The following TATDN1 variants were observed in gnomAD, a reference collection of about 807,000 sequenced individuals.
The protein encoded by TATDN1 is deoxyribonuclease TATDN1.
In TATDN1, 40 loss-of-function variants were observed where a neutral mutation model predicts 46.4. The observed-to-expected ratio is 0.86, with a 90% CI of 0.67 to 1.12. TATDN1 has a LOEUF of 1.12. TATDN1 is among the 50% of genes most tolerant of loss of function. The pLI, the probability that TATDN1 is intolerant of heterozygous loss-of-function variation, is 0.00. For synonymous variants in TATDN1, 95 were observed against 105.6 expected (o/e 0.90, Z 0.62); for missense variants, 326 against 348.4 (o/e 0.94, Z 0.51).
chr8:124,524,689 AG>A (rs1227926126), intron 1 of TATDN1, among the ~76,000 whole-genome samples: 1 of 152,232 alleles, frequency 6.6e-6, no homozygotes, highest in Admixed American at 6.5e-5. Flanking sequence ...TACTGACAGA[AG>A]GGAAGGTTTT....
At chr8:124,493,313 T>C (rs1485439901) in intron 11 of TATDN1, among the ~76,000 whole-genome samples, 1 of 152,242 alleles carries the variant, frequency 6.6e-6, no homozygotes, top group Non-Finnish European at 1.5e-5. Context: ...ATGTACCCAT[T>C]AAAATGATAT....
rs780000142 is a variant in TATDN1, at chr8:124,508,561, C to T, written c.475+42G>A. The T allele has an allele frequency of 8.7e-6, 14 of 1,608,106 alleles. 1 individual carries two copies. In the African/African-American group the frequency reaches 9.4e-5, roughly 11 times the overall value. The stretch of plus-strand genomic sequence containing the variant: ...CTTTTAGCAAATAGCTTGATTTCTA[C>T]AAAATTCTTAAGTTCTGAATGAGAC... On this transcript the variant is annotated intron_variant, in intron 7 of 11. Transcript: ENST00000276692.
At chr8:124,523,196 A>G in intron 1 of TATDN1, 194 bp from the exon 2 acceptor site, 2 of 567,694 alleles carry the variant, frequency 3.5e-6, no homozygotes, top group Non-Finnish European at 6.2e-6. Context: ...TCCTGCTTTC[A>G]AGAAACTCAC....
intron 1 of TATDN1, among the ~76,000 whole-genome samples, chr8:124,533,665 T>A (rs150428410): frequency 8.6e-4 from 131 of 152,120 alleles, no homozygotes; most frequent in African/African-American, 2.9e-3. Flanking sequence ...CTGGTATTGG[T>A]TAGTAAGGAA....
rs1818667701 is a variant in TATDN1, at chr8:124,508,073, C to A, written c.516+401G>T. On this transcript the variant is annotated intron_variant, in intron 8 of 11. Coordinates refer to ENST00000276692, the MANE Select transcript of TATDN1 (RefSeq NM_032026.4). ...AAATGTTGACATCTGAATTAGGGGC[C>A]ATCCTTAATAACCAAGATGCTTTGT... is the stretch of plus-strand genomic sequence containing the variant. Among the ~76,000 whole-genome samples the A allele has an allele frequency of 4.6e-5, 7 of 152,096 alleles. No homozygotes were observed. In the South Asian group the frequency reaches 1.4e-3, roughly 31 times the overall value.
At position 124,493,758 on chromosome 8, in the gene TATDN1, C is replaced by T. The variant is rs530596155; in HGVS notation, c.791+75G>A. On this transcript the variant is annotated intron_variant, in intron 11 of 11. Coordinates refer to ENST00000276692, the MANE Select transcript of TATDN1 (RefSeq NM_032026.4). ...GGATTTTGCAAAATTTTAATTCTGT[C>T]CCTTGCGTTAATTTTATAAGTGGCA... 6.3e-4 allele frequency: 958 copies of T among 1,511,710 alleles called. 1 individual carries two copies. The highest frequency in any genetic ancestry group is 8.1e-4 in the Non-Finnish European group (919 of 1,132,754). The allele number at this position is 1,511,710 out of a possible 1,614,324, so 93.6% of individuals were successfully genotyped here.
At chr8:124,520,163 G>A (rs575695435) in intron 3 of TATDN1, among the ~76,000 whole-genome samples, 6 of 152,334 alleles carry the variant, frequency 3.9e-5, no homozygotes, top group Admixed American at 2.0e-4. Flanking sequence ...AAGGCAGGGC[G>A]CAGTGGCTCA....
In TATDN1 at chr8:124,504,483, G is replaced by A. The variant is rs1024830772; in HGVS notation, c.517-136C>T. ...CCTCAGGGTTTCAAAGGTGGTAGTC[G>A]CTATAATTTTTATTTTCATATTATT... On this transcript the variant is annotated intron_variant, in intron 8 of 11. Transcript: ENST00000276692. 2.2e-5 allele frequency: 10 copies of A among 447,584 alleles called. No individual in the cohort carries two copies. The South Asian group carries it at 5.4e-4, about 24-fold the overall frequency. The allele number at this position is 447,584 out of a possible 1,614,324, so 27.7% of individuals were successfully genotyped here.
intron 6 of TATDN1, among the ~76,000 whole-genome samples, 163 bp downstream of exon 6, chr8:124,515,583 A>C (rs1819388912): frequency 6.6e-6 from 1 of 152,226 alleles, no homozygotes. Context: ...CTTATGAATT[A>C]CATGCAAGTA....
At position 124,501,618 on chromosome 8, in the gene TATDN1, T is replaced by G. The variant is rs368662292; in HGVS notation, c.593+2653A>C. Among the ~76,000 whole-genome samples the G allele has an allele frequency of 3.3e-5, 5 of 151,952 alleles. No individual in the cohort carries two copies. The East Asian group carries it at 5.8e-4, about 18-fold the overall frequency. On this transcript the variant is annotated intron_variant, in intron 9 of 11. Coordinates refer to ENST00000276692, the MANE Select transcript of TATDN1 (RefSeq NM_032026.4). Reference sequence around the variant, plus strand: ...AGTATAAAAATAGAGTATTCAGAAATTGAAAACAAAAGTTGAAGTAAATTT... The same window carrying G: ...AGTATAAAAATAGAGTATTCAGAAAGTGAAAACAAAAGTTGAAGTAAATTT...
intron 10 of TATDN1, 113 bp from the exon 11 acceptor site, chr8:124,494,072 G>T: frequency 9.7e-7 from 1 of 1,035,374 alleles, no homozygotes; most frequent in Non-Finnish European, 1.3e-6. Context: ...CTTCCAAAAT[G>T]GCACAGTTAT....
intron 6 of TATDN1, among the ~76,000 whole-genome samples, chr8:124,512,137 T>C (rs1480902714): frequency 6.6e-6 from 1 of 152,116 alleles, no homozygotes; most frequent in East Asian, 1.9e-4. Context: ...TAAAAACAAA[T>C]CATGGCCGGG....
At chr8:124,506,717 C>T (rs915673167) in intron 8 of TATDN1, among the ~76,000 whole-genome samples, 1 of 152,208 alleles carries the variant, frequency 6.6e-6, no homozygotes, top group African/African-American at 2.4e-5. Flanking sequence ...CCTTAGCAGG[C>T]ATAGTGTAAC....
chr8:124,497,237 C>T (rs959316748), intron 9 of TATDN1, among the ~76,000 whole-genome samples: 4 of 151,794 alleles, frequency 2.6e-5, no homozygotes, highest in East Asian at 1.9e-4. Flanking sequence ...ATTTCATCTG[C>T]GTTGCAGTTT....
In TATDN1 at chr8:124,518,211, CAAAAAAAAAAAA is replaced by C. The variant is rs374487274; in HGVS notation, c.202+595_202+606del. On this transcript the variant is annotated intron_variant, in intron 4 of 11. Transcript: ENST00000276692. ...TGGGCGACAGAGTGAGACTCTATCT[CAAAAAAAAAAAA>C]AAAAAAAAAAAAAAAAAAAGGCCGG... 3.3e-3 allele frequency among the ~76,000 whole-genome samples: 113 copies of C among 34,614 alleles called. 1 individual carries two copies. Among genetic ancestry groups the C allele is most frequent in the African/African-American group, 0.011 (102 of 9,234 alleles). The allele number at this position is 34,614 out of a possible 152,430, so 22.7% of individuals were successfully genotyped here.
intron 1 of TATDN1, among the ~76,000 whole-genome samples, chr8:124,525,756 G>A (rs916068815): frequency 1.3e-5 from 2 of 152,122 alleles, no homozygotes; most frequent in Non-Finnish European, 2.9e-5. Flanking sequence ...TAAGGCTCCC[G>A]ATCCAAGAAT....
intron 8 of TATDN1, among the ~76,000 whole-genome samples, chr8:124,505,141 T>A (rs1224441954): frequency 1.3e-5 from 2 of 150,916 alleles, no homozygotes; most frequent in African/African-American, 4.9e-5. Context: ...CCCCAGCACT[T>A]TGGGAGGCTG....
intron 1 of TATDN1, among the ~76,000 whole-genome samples, chr8:124,531,025 C>T (rs1317892317): frequency 1.3e-5 from 2 of 152,088 alleles, no homozygotes; most frequent in African/African-American, 4.8e-5. Flanking sequence ...AGCACCCATC[C>T]AGTAGGCTGG....
intron 9 of TATDN1, among the ~76,000 whole-genome samples, chr8:124,500,537 T>C (rs777348529): frequency 2.6e-5 from 4 of 152,044 alleles, no homozygotes; most frequent in Non-Finnish European, 5.9e-5. Context: ...TGAAACCCCA[T>C]CTCTACAAAA....
Sources: gnomAD v4.1 joint callset for allele counts (sites outside exome capture counted in the v4.1 genomes callset) on GRCh38, gnomAD v4.1.1 for gene constraint, MANE v1.5 for transcripts, NCBI Gene and HGNC (gene_info 2026-07-23, HGNC 2026-07-21) for gene names.